Variants in MAPRE2 observed in about 807,000 individuals in gnomAD.
MAPRE2 encodes microtubule associated protein RP/EB family member 2, also known as microtubule-associated protein RP/EB family member 2.
A neutral mutation model predicts 43.2 loss-of-function variants in MAPRE2; 13 were observed. That is an observed-to-expected ratio of 0.30 (90% CI 0.20 to 0.48). The LOEUF (loss-of-function observed/expected upper bound fraction) is 0.48. Ranked by LOEUF, MAPRE2 falls within the 20% of genes least tolerant of loss-of-function variation. MAPRE2 has a pLI of 0.99. For missense variants in MAPRE2, 161 were observed against 400.2 expected, an observed-to-expected ratio of 0.40 and a Z score of 5.10; for synonymous variants, 135 against 148.8, an observed-to-expected ratio of 0.91 and a Z score of 0.68.
chr18:34,982,822 G>C (rs1378645254), intron 1 of MAPRE2, among the ~76,000 whole-genome samples: 3 of 152,120 alleles, frequency 2.0e-5, no homozygotes, highest in Non-Finnish European at 4.4e-5. Context: ...CCCATTGCTT[G>C]TTTTGTATGA....
At chr18:35,067,062 C>A (rs143406154) in intron 1 of MAPRE2, among the ~76,000 whole-genome samples, 131 of 152,300 alleles carry the variant, frequency 8.6e-4, no homozygotes, top group Non-Finnish European at 1.6e-3. Flanking sequence ...CTTAATCTGT[C>A]TTCTAAACTA....
intron 2 of MAPRE2, among the ~76,000 whole-genome samples, chr18:35,095,082 A>G (rs1482562886): frequency 6.6e-6 from 1 of 152,164 alleles, no homozygotes. Context: ...TTAGAACCAT[A>G]CTTTATATCA....
At chr18:35,079,249 A>G (rs980747899) in intron 2 of MAPRE2, among the ~76,000 whole-genome samples, 2 of 152,154 alleles carry the variant, frequency 1.3e-5, no homozygotes, top group Non-Finnish European at 2.9e-5. Context: ...CCTCCTTTCT[A>G]TGCTATTGAG....
chr18:35,068,889 T>C (rs1489849732), intron 1 of MAPRE2, among the ~76,000 whole-genome samples: 1 of 152,170 alleles, frequency 6.6e-6, no homozygotes, highest in Non-Finnish European at 1.5e-5. Flanking sequence ...GGCATAACCT[T>C]TGGCAGCTGA....
At chr18:35,012,569 G>A (rs1278576623) in intron 2 of MAPRE2, among the ~76,000 whole-genome samples, 1 of 152,208 alleles carries the variant, frequency 6.6e-6, no homozygotes, top group Non-Finnish European at 1.5e-5. Flanking sequence ...TTCAACCATA[G>A]GTAGGAAATT....
At chr18:35,099,930 G>C (rs543501893) in intron 3 of MAPRE2, among the ~76,000 whole-genome samples, 15 of 152,140 alleles carry the variant, frequency 9.9e-5, no homozygotes, top group Non-Finnish European at 2.1e-4. Context: ...TGATATGTAA[G>C]GTCTTTCTAC....
intron 2 of MAPRE2, among the ~76,000 whole-genome samples, chr18:35,081,033 T>A (rs1360966315): frequency 6.6e-6 from 1 of 152,196 alleles, no homozygotes; most frequent in Non-Finnish European, 1.5e-5. Context: ...GGAGGATCGT[T>A]CTCCATTTTC....
chr18:35,008,971 CGT>C (rs35011756), intron 2 of MAPRE2, among the ~76,000 whole-genome samples: 38,882 of 151,242 alleles, frequency 0.26, 5,868 homozygotes, highest in East Asian at 0.41. Context: ...TGTGCATGCA[CGT>C]GTGTGTGTGT....
At chr18:35,133,001 T>G (rs1162772247) in intron 6 of MAPRE2, among the ~76,000 whole-genome samples, 1 of 152,160 alleles carries the variant, frequency 6.6e-6, no homozygotes, top group Non-Finnish European at 1.5e-5. Flanking sequence ...GGTGTCCAGC[T>G]TCTCTTATGC....
At chr18:34,997,625 G>A (rs1286060273) in intron 1 of MAPRE2, among the ~76,000 whole-genome samples, 1 of 152,172 alleles carries the variant, frequency 6.6e-6, no homozygotes, top group Non-Finnish European at 1.5e-5. Flanking sequence ...AGACTAGCCT[G>A]GCCAACATGG....
chr18:34,993,197 C>T (rs73422628), intron 1 of MAPRE2, among the ~76,000 whole-genome samples: 4,239 of 151,678 alleles, frequency 0.028, 219 homozygotes, highest in African/African-American at 0.097. Flanking sequence ...TTCAAACTCC[C>T]GGGCTCAAGT....
At chr18:35,081,619 G>T (rs1185798350) in intron 2 of MAPRE2, among the ~76,000 whole-genome samples, 2 of 151,930 alleles carry the variant, frequency 1.3e-5, no homozygotes, top group Non-Finnish European at 2.9e-5. Flanking sequence ...GGACTGGGGA[G>T]AGTGGCCATA....
chr18:35,101,248 T>C (rs968305930), intron 3 of MAPRE2, among the ~76,000 whole-genome samples: 2 of 151,994 alleles, frequency 1.3e-5, no homozygotes, highest in Non-Finnish European at 2.9e-5. Context: ...GGTTTAGTTC[T>C]TTTTTTTCTA....
intron 1 of MAPRE2, among the ~76,000 whole-genome samples, chr18:34,983,609 A>G (rs1332144756): frequency 1.3e-5 from 2 of 152,080 alleles, no homozygotes; most frequent in Admixed American, 1.3e-4. Context: ...TAGCCCTACT[A>G]TTTTATTTCT....
At chr18:35,030,553 GC>G (rs11302861) in intron 2 of MAPRE2, among the ~76,000 whole-genome samples, 49,834 of 152,076 alleles carry the variant, frequency 0.33, 9,200 homozygotes, top group African/African-American at 0.5. Context: ...ACTTAGAATA[GC>G]CCCCTTTCTT....
chr18:35,035,451 A>G (rs1045032506), intron 2 of MAPRE2, among the ~76,000 whole-genome samples: 1 of 151,980 alleles, frequency 6.6e-6, no homozygotes, highest in Non-Finnish European at 1.5e-5. Flanking sequence ...AGCATGACAC[A>G]TGTATACATA....
intron 1 of MAPRE2, among the ~76,000 whole-genome samples, chr18:34,997,702 G>A (rs1390056878): frequency 6.6e-6 from 1 of 152,164 alleles, no homozygotes; most frequent in East Asian, 1.9e-4. Context: ...TGTAATCCCA[G>A]CTATTCGGGA....
chr18:35,105,670 T>C (rs1908871274), intron 4 of MAPRE2, among the ~76,000 whole-genome samples: 1 of 152,042 alleles, frequency 6.6e-6, no homozygotes, highest in African/African-American at 2.4e-5. Flanking sequence ...AATTTAGACA[T>C]AATTGTAATA....
In MAPRE2 at chr18:35,007,806, G is replaced by A. The variant is rs546031900; in HGVS notation, c.-8+2253G>A. On this transcript the variant is annotated intron_variant, in intron 2 of 7. Coordinates refer to the MAPRE2 transcript ENST00000413393. ...GAACAACATGGGTTTGAACTGCACG[G>A]GCTTACTTATAAGTGATTTTTTTTT... 3.5e-4 allele frequency among the ~76,000 whole-genome samples: 49 copies of A among 138,318 alleles called. No homozygotes were observed. The South Asian group carries it at 0.012, about 33-fold the overall frequency. The allele number at this position is 138,318 out of a possible 152,430, so 90.7% of individuals were successfully genotyped here. A position where few individuals can be genotyped will look rare whatever the true frequency, so the allele number is the denominator to read the frequency against.
Sources: gnomAD v4.1 joint callset for allele counts (sites outside exome capture counted in the v4.1 genomes callset) on GRCh38, gnomAD v4.1.1 for gene constraint, MANE v1.5 for transcripts, NCBI Gene and HGNC (gene_info 2026-07-23, HGNC 2026-07-21) for gene names.